The following SOS2 variants were observed in gnomAD, a reference collection of about 807,000 sequenced individuals.
SOS2 encodes son of sevenless homolog 2.
Under a neutral mutation model 148.2 loss-of-function variants are expected in SOS2, and 65 were observed. That is an observed-to-expected ratio of 0.44 (90% confidence interval 0.36 to 0.54). The LOEUF is 0.54. SOS2 is among the 20% of genes least tolerant of loss of function. The pLI is 0.00. For missense variants in SOS2, 1,341 were observed against 1,590.2 expected (o/e 0.84, Z 2.67); for synonymous variants, 539 against 537.1 (o/e 1.00, Z -0.05).
rs201198476 is a variant in SOS2 at position 50,176,379 on chromosome 14, T to C, written c.970-1827A>G. ...TATTAAACTAATTAATATAGTGAAT[T>C]ATTCTGGATATTTTATATACAGTGC... On this transcript the variant is annotated intron_variant, in intron 7 of 22. Coordinates refer to ENST00000216373, the MANE Select transcript of SOS2 (RefSeq NM_006939.4). Among the ~76,000 whole-genome samples, 4 of 152,352 alleles carry C rather than the reference T, an allele frequency of 2.6e-5. No individual in the cohort carries two copies. In the East Asian group the frequency reaches 7.7e-4, roughly 29 times the overall value.
intron 1 of SOS2, among the ~76,000 whole-genome samples, chr14:50,227,671 C>T (rs1489903880): frequency 3.3e-5 from 5 of 152,210 alleles, no homozygotes; most frequent in Non-Finnish European, 7.3e-5. Flanking sequence ...AGGTAATCTG[C>T]CCGCCTTGGC....
chr14:50,132,354 TA>T (rs886376742), intron 19 of SOS2, among the ~76,000 whole-genome samples: 1,841 of 62,968 alleles, frequency 0.029, 46 homozygotes, highest in African/African-American at 0.11. Context: ...CTATTGCCAT[TA>T]AAAAAAAAAA....
intron 1 of SOS2, among the ~76,000 whole-genome samples, chr14:50,207,349 C>G (rs1437972771): frequency 6.6e-6 from 1 of 151,168 alleles, no homozygotes; most frequent in Non-Finnish European, 1.5e-5. Context: ...CTCATCTCTC[C>G]AAAATAAAAA....
chr14:50,170,256 T>C (rs1199518149), intron 8 of SOS2, among the ~76,000 whole-genome samples: 2 of 152,050 alleles, frequency 1.3e-5, no homozygotes, highest in African/African-American at 4.8e-5. Context: ...TTTAGATAAA[T>C]TTCTACAAAC....
chr14:50,133,204 T>C (rs1366349163), intron 19 of SOS2, among the ~76,000 whole-genome samples: 1 of 151,516 alleles, frequency 6.6e-6, no homozygotes, highest in Non-Finnish European at 1.5e-5. Context: ...AAAATTTATC[T>C]TTTCATTCCA....
chr14:50,120,413 C>CA, intron 21 of SOS2, 29 bp from the exon 22 acceptor site: 1 of 1,012,372 alleles, frequency 9.9e-7, no homozygotes, highest in South Asian at 1.3e-5. Flanking sequence ...AGTTTAACCA[C>CA]AATTCACAGT....
At position 50,130,631 on chromosome 14, in the gene SOS2, A is replaced by G; in HGVS notation, c.3207T>C (p.Ser1069=). 1 of 1,614,198 alleles carries G rather than the reference A, an allele frequency of 6.2e-7. No individual in the cohort carries two copies. Among genetic ancestry groups the G allele is most frequent in the Admixed American group, 1.7e-5 (1 of 60,018 alleles). Residue 1069 remains serine, a synonymous_variant, in exon 20 of 23, where the codon AGT becomes AGC. Transcript: ENST00000216373. The part of the protein sequence containing the change: ...LEREPCKISF[S]RIAETELEST... Reference sequence around the variant, plus strand: ...ATTCCAGCTCAGTTTCAGCAATCCGACTAAAGCTTATTTTACATGGTTCTC... The same window carrying G: ...ATTCCAGCTCAGTTTCAGCAATCCGGCTAAAGCTTATTTTACATGGTTCTC...
chr14:50,117,934 A>G lies in SOS2; in HGVS notation c.*410T>C, dbSNP rs973107229. The G allele has an allele frequency of 6.4e-6, 1 of 155,988 alleles. No homozygotes were observed. The highest frequency in any genetic ancestry group is 2.4e-5 in the African/African-American group (1 of 41,572). The allele number at this position is 155,988 out of a possible 1,614,324, so 9.7% of individuals were successfully genotyped here. A position where few individuals can be genotyped will look rare whatever the true frequency, so the allele number is the denominator to read the frequency against. Reference sequence around the variant, plus strand: ...AGAAGATGGTCAAAGAGGTTTAAAAATCAGTAACACCATATACCCCTCCCA... The same window carrying G: ...AGAAGATGGTCAAAGAGGTTTAAAAGTCAGTAACACCATATACCCCTCCCA... On this transcript the variant is annotated 3_prime_UTR_variant, in exon 23 of 23. Transcript: ENST00000216373.
chr14:50,119,432 C>T (rs1883421962), intron 22 of SOS2, among the ~76,000 whole-genome samples: 1 of 152,212 alleles, frequency 6.6e-6, no homozygotes, highest in African/African-American at 2.4e-5. Context: ...TTTTGAGAAG[C>T]ATTAGTTGAA....
At chr14:50,158,515 G>C in intron 11 of SOS2, 50 bp downstream of exon 11, 1 of 1,134,124 alleles carries the variant, frequency 8.8e-7, no homozygotes, top group Non-Finnish European at 1.3e-6. Context: ...ACAAAATACA[G>C]TTAATTTTTC....
Position 50,184,719 on chromosome 14 carries a change from C to T in SOS2, c.715-2113G>A, listed in dbSNP as rs538190403. On this transcript the variant is annotated intron_variant, in intron 5 of 22. Transcript: ENST00000216373. ...TCTCTACAAAAAATGCAAAATTAGTCGGGTGGGGTGGTATGTGCCTGTAGT... is the reference window on the plus strand; with the variant it reads ...TCTCTACAAAAAATGCAAAATTAGTTGGGTGGGGTGGTATGTGCCTGTAGT... Among the ~76,000 whole-genome samples the T allele has an allele frequency of 5.9e-5, 9 of 151,920 alleles. No individual in the cohort carries two copies. The East Asian group carries it at 1.5e-3, about 26-fold the overall frequency.
At chr14:50,208,093 C>T (rs983271594) in intron 1 of SOS2, among the ~76,000 whole-genome samples, 2 of 151,884 alleles carry the variant, frequency 1.3e-5, no homozygotes, top group Non-Finnish European at 2.9e-5. Context: ...GTCAGGAGTT[C>T]AAGGCCAGCC....
chr14:50,130,355 G>C, intron 20 of SOS2, 146 bp downstream of exon 20: 1 of 685,028 alleles, frequency 1.5e-6, no homozygotes, highest in Non-Finnish European at 2.4e-6. Context: ...TCTACTTCTT[G>C]TATTAATCAT....
chr14:50,183,407 A>G (rs550836376), intron 5 of SOS2, among the ~76,000 whole-genome samples: 7 of 152,222 alleles, frequency 4.6e-5, no homozygotes, highest in South Asian at 2.1e-4. Flanking sequence ...AAGAAACAAT[A>G]TAAGAGTTAA....
chr14:50,180,171 C>A (rs140071511), intron 7 of SOS2, among the ~76,000 whole-genome samples: 7 of 150,998 alleles, frequency 4.6e-5, no homozygotes, highest in Non-Finnish European at 1.0e-4. Context: ...GCCCAGCTAA[C>A]TTGTGCAATT....
rs188187548 is a variant in SOS2, at chr14:50,218,689, G to A, written c.87+12508C>T. On this transcript the variant is annotated intron_variant, in intron 1 of 22. Coordinates refer to ENST00000216373, the MANE Select transcript of SOS2 (RefSeq NM_006939.4). ...GGGAAATGCAAACTAAAACCACAAA[G>A]TACCATTACACTGCTATTAGAATGG... Among the ~76,000 whole-genome samples, 909 of 152,220 alleles carry A rather than the reference G, an allele frequency of 6.0e-3. 4 individuals carry two copies. The highest frequency in any genetic ancestry group is 9.0e-3 in the Admixed American group (138 of 15,276).
chr14:50,189,759 C>T (rs1886062533), intron 4 of SOS2, among the ~76,000 whole-genome samples: 2 of 152,168 alleles, frequency 1.3e-5, no homozygotes, highest in Admixed American at 1.3e-4. Flanking sequence ...CTTCTTCTTT[C>T]AGAAATGCTA....
chr14:50,118,698 G>C lies in SOS2; in HGVS notation c.3645C>G (p.Thr1215=). The C allele has an allele frequency of 6.2e-7, 1 of 1,613,654 alleles. No homozygotes were observed. Among genetic ancestry groups the C allele is most frequent in the Non-Finnish European group, 8.5e-7 (1 of 1,179,950 alleles). ...PPPPRDPLPD[T]PPPVPLRPPE... ...GAGGCCGAAGGGGAACTGGTGGAGG[G>C]GTATCAGGAAGAGGATCTCTTGGTG... The change falls in exon 23 of 23, where the codon ACC becomes ACG. Residue 1215 remains threonine (T), a synonymous_variant. Transcript: ENST00000216373.
chr14:50,171,971 G>A (rs1405809534), intron 8 of SOS2, among the ~76,000 whole-genome samples: 1 of 144,556 alleles, frequency 6.9e-6, no homozygotes, highest in East Asian at 2.6e-4. Flanking sequence ...TGTTTCTTTA[G>A]AGTATATATT....
Sources: allele counts gnomAD v4.1 joint callset (sites outside exome capture counted in the v4.1 genomes callset), GRCh38; gene constraint gnomAD v4.1.1; transcripts MANE v1.5; gene names NCBI Gene and HGNC (gene_info 2026-07-23, HGNC 2026-07-21).